Variants in ST6GALNAC3 observed in about 807,000 individuals in gnomAD.
The protein encoded by ST6GALNAC3 is alpha-N-acetylgalactosaminide alpha-2,6-sialyltransferase 3.
In ST6GALNAC3, 25 loss-of-function variants were observed where a neutral mutation model predicts 32.7. The observed-to-expected ratio is 0.76, with a 90% CI of 0.56 to 1.07. The LOEUF (loss-of-function observed/expected upper bound fraction) is 1.07, where lower values mean the gene tolerates loss of function less well. Ranked by LOEUF, ST6GALNAC3 falls within the 50% of genes least tolerant of loss-of-function variation. ST6GALNAC3 has a pLI of 0.00. For synonymous variants in ST6GALNAC3, 129 were observed against 133.1 expected, an observed-to-expected ratio of 0.97 and a Z score of 0.21; for missense variants, 355 against 382.4, an observed-to-expected ratio of 0.93 and a Z score of 0.60.
At chr1:76,233,292 G>C (rs993752123) in intron 1 of ST6GALNAC3, among the ~76,000 whole-genome samples, 1 of 152,154 alleles carries the variant, frequency 6.6e-6, no homozygotes, top group East Asian at 1.9e-4. Flanking sequence ...TGATTGCAAA[G>C]GTTCACTTGC....
chr1:76,384,701 T>G (rs1651963262), intron 2 of ST6GALNAC3, among the ~76,000 whole-genome samples: 1 of 151,656 alleles, frequency 6.6e-6, no homozygotes. Context: ...CTGATCAGAG[T>G]GGAAATAAGC....
intron 1 of ST6GALNAC3, among the ~76,000 whole-genome samples, chr1:76,312,717 C>T (rs561377358): frequency 6.6e-6 from 1 of 152,246 alleles, no homozygotes; most frequent in East Asian, 1.9e-4. Flanking sequence ...TTTCCATCAC[C>T]TAGCAAACTT....
At chr1:76,529,456 T>TA (rs1663117790) in intron 3 of ST6GALNAC3, among the ~76,000 whole-genome samples, 1 of 152,150 alleles carries the variant, frequency 6.6e-6, no homozygotes, top group East Asian at 1.9e-4. Flanking sequence ...GCCAAGTTAT[T>TA]AGGCACCTGA....
chr1:76,425,943 G>A (rs1571192700), intron 3 of ST6GALNAC3, among the ~76,000 whole-genome samples: 1 of 151,852 alleles, frequency 6.6e-6, no homozygotes, highest in South Asian at 2.1e-4. Flanking sequence ...CAGAAGATGA[G>A]CTCATAAATA....
intron 1 of ST6GALNAC3, among the ~76,000 whole-genome samples, chr1:76,154,041 C>T (rs1447508348): frequency 6.6e-6 from 1 of 152,158 alleles, no homozygotes; most frequent in African/African-American, 2.4e-5. Context: ...GAATGAGCTG[C>T]AAACTCAGGC....
intron 1 of ST6GALNAC3, among the ~76,000 whole-genome samples, chr1:76,114,503 T>C (rs1255290617): frequency 6.6e-6 from 1 of 152,192 alleles, no homozygotes; most frequent in Admixed American, 6.5e-5. Context: ...TTTTTCCTAA[T>C]TACAAAATAT....
At chr1:76,318,657 G>T (rs1016988615) in intron 2 of ST6GALNAC3, among the ~76,000 whole-genome samples, 2 of 152,074 alleles carry the variant, frequency 1.3e-5, no homozygotes, top group African/African-American at 2.4e-5. Flanking sequence ...TAGCATTATG[G>T]CAGAATTACT....
intron 3 of ST6GALNAC3, among the ~76,000 whole-genome samples, chr1:76,523,777 A>G (rs148805706): frequency 6.6e-6 from 1 of 152,122 alleles, no homozygotes; most frequent in African/African-American, 2.4e-5. Flanking sequence ...ATATTTGGCA[A>G]ATATTTTGAG....
chr1:76,282,732 G>A (rs1287175800), intron 1 of ST6GALNAC3, among the ~76,000 whole-genome samples: 1 of 152,054 alleles, frequency 6.6e-6, no homozygotes, highest in African/African-American at 2.4e-5. Flanking sequence ...AAAACCCATA[G>A]AAGTGTACTT....
intron 3 of ST6GALNAC3, among the ~76,000 whole-genome samples, chr1:76,490,994 G>GTA (rs1660463979): frequency 6.6e-6 from 1 of 151,894 alleles, no homozygotes; most frequent in Non-Finnish European, 1.5e-5. Context: ...AAGTAGCTGG[G>GTA]ATTACGGACA....
At chr1:76,244,283 T>G (rs1657134541) in intron 1 of ST6GALNAC3, among the ~76,000 whole-genome samples, 1 of 152,188 alleles carries the variant, frequency 6.6e-6, no homozygotes, top group African/African-American at 2.4e-5. Flanking sequence ...CTCGTGATTT[T>G]TGCACATTGA....
In ST6GALNAC3 at chr1:76,412,391, T is replaced by C; in HGVS notation, c.597T>C (p.Val199=). Residue 199 remains valine, a synonymous_variant, in exon 3 of 5, where the codon GTT becomes GTC. Transcript: ENST00000328299. ...TEKRMSYCDG[V]FKKETGKDRV... is the part of the protein sequence containing the mutation. The stretch of plus-strand genomic sequence containing the variant: ...AGCGCATGAGTTACTGTGATGGAGT[T>C]TTTAAGAAGGAAACTGGGAAGGACA... 4 of 1,604,450 alleles carry C rather than the reference T, an allele frequency of 2.5e-6. No individual in the cohort carries two copies. Among genetic ancestry groups the C allele is most frequent in the Non-Finnish European group, 3.4e-6 (4 of 1,174,082 alleles).
Position 76,605,386 on chromosome 1 carries a change from C to T in ST6GALNAC3, c.624-22066C>T, listed in dbSNP as rs542495607. Among the ~76,000 whole-genome samples, 3 of 152,140 alleles carry T rather than the reference C, an allele frequency of 2.0e-5. No individual in the cohort carries two copies. In the South Asian group the frequency reaches 6.2e-4, roughly 32 times the overall value. On this transcript the variant is annotated intron_variant, in intron 3 of 4. Transcript: ENST00000328299. ...ATCATAAGGGCCAGTACTGTCATAA[C>T]CCTAAACTTTGTGTACAATAGAAAA...
chr1:76,510,886 T>C (rs1413354759), intron 3 of ST6GALNAC3, among the ~76,000 whole-genome samples: 1 of 152,182 alleles, frequency 6.6e-6, no homozygotes, highest in Non-Finnish European at 1.5e-5. Flanking sequence ...ACCAGAATGG[T>C]CGTATGAGTG....
At chr1:76,234,545 T>G (rs1267706789) in intron 1 of ST6GALNAC3, among the ~76,000 whole-genome samples, 3 of 152,230 alleles carry the variant, frequency 2.0e-5, no homozygotes, top group Non-Finnish European at 4.4e-5. Flanking sequence ...TAAAGCCTTA[T>G]GTGCTATATA....
intron 2 of ST6GALNAC3, among the ~76,000 whole-genome samples, chr1:76,317,775 G>A (rs192307045): frequency 6.6e-6 from 1 of 152,188 alleles, no homozygotes; most frequent in African/African-American, 2.4e-5. Context: ...GATTTTATGA[G>A]CTGAAATGAT....
At chr1:76,173,800 C>T (rs1393516628) in intron 1 of ST6GALNAC3, among the ~76,000 whole-genome samples, 1 of 152,152 alleles carries the variant, frequency 6.6e-6, no homozygotes, top group East Asian at 1.9e-4. Flanking sequence ...CATCTCATGC[C>T]AGTCAGAATG....
chr1:76,291,688 G>GA (rs751376382), intron 1 of ST6GALNAC3, among the ~76,000 whole-genome samples: 1 of 151,642 alleles, frequency 6.6e-6, no homozygotes, highest in East Asian at 1.9e-4. Flanking sequence ...AATTGCAAAA[G>GA]AAAAAAATGC....
intron 3 of ST6GALNAC3, among the ~76,000 whole-genome samples, chr1:76,472,599 C>T (rs566383171): frequency 2.0e-5 from 3 of 152,174 alleles, no homozygotes; most frequent in African/African-American, 7.2e-5. Context: ...GTTACCAAAG[C>T]GCTCACTCTC....
Sources: allele counts gnomAD v4.1 joint callset (sites outside exome capture counted in the v4.1 genomes callset), GRCh38; gene constraint gnomAD v4.1.1; transcripts MANE v1.5; gene names NCBI Gene and HGNC (gene_info 2026-07-23, HGNC 2026-07-21).